EPHB1: variants seen among roughly 807,000 people sequenced by gnomAD.
The protein encoded by EPHB1 is EPH receptor B1.
A neutral mutation model predicts 94.4 loss-of-function variants in EPHB1; 30 were observed. The ratio of observed to expected loss-of-function variants is 0.32; its 90% confidence interval spans 0.24 to 0.43. The LOEUF is 0.43. Ranked by LOEUF, EPHB1 falls within the 20% of genes least tolerant of loss-of-function variation. The pLI is 1.00. For missense variants in EPHB1, 1,055 were observed against 1,308.3 expected (o/e 0.81, Z 2.99); for synonymous variants, 522 against 489.1 (o/e 1.07, Z -0.89).
chr3:135,027,113 G>A (rs1936212014), intron 3 of EPHB1, among the ~76,000 whole-genome samples: 2 of 148,402 alleles, frequency 1.3e-5, no homozygotes, highest in Non-Finnish European at 3.0e-5. Flanking sequence ...GGAGATTTTG[G>A]GCTGAGACAA....
At chr3:135,252,307 T>C (rs923683109) in intron 15 of EPHB1, among the ~76,000 whole-genome samples, 6 of 150,816 alleles carry the variant, frequency 4.0e-5, no homozygotes, top group Admixed American at 1.3e-4. Context: ...GCTGGTGCGC[T>C]GCACCCACTA....
intron 3 of EPHB1, among the ~76,000 whole-genome samples, chr3:134,956,431 T>C (rs540595390): frequency 7.9e-5 from 12 of 152,254 alleles, no homozygotes; most frequent in African/African-American, 2.4e-4. Context: ...CTATGCATAA[T>C]TCTCCCTGCC....
intron 12 of EPHB1, among the ~76,000 whole-genome samples, chr3:135,204,921 A>ACC (rs1314650663): frequency 2.6e-5 from 2 of 76,824 alleles, no homozygotes; most frequent in African/African-American, 1.1e-4. Flanking sequence ...ATTTAACCAT[A>ACC]CCCCCTACCA....
intron 1 of EPHB1, among the ~76,000 whole-genome samples, chr3:134,827,093 A>T (rs924717258): frequency 3.3e-5 from 5 of 152,238 alleles, no homozygotes; most frequent in Admixed American, 2.0e-4. Context: ...AACACCACAG[A>T]TTCCATTACT....
intron 12 of EPHB1, among the ~76,000 whole-genome samples, chr3:135,217,417 A>G (rs1204860956): frequency 7.1e-6 from 1 of 139,938 alleles, no homozygotes; most frequent in Non-Finnish European, 1.5e-5. Context: ...AATAACTCCC[A>G]TCAGTACCAC....
intron 9 of EPHB1, among the ~76,000 whole-genome samples, chr3:135,176,530 A>G (rs1284648151): frequency 2.6e-5 from 4 of 152,052 alleles, no homozygotes; most frequent in Admixed American, 1.3e-4. Context: ...ATATGTGTGC[A>G]CACACACACA....
chr3:135,207,034 A>G (rs1467099587), intron 12 of EPHB1, among the ~76,000 whole-genome samples: 3 of 152,234 alleles, frequency 2.0e-5, no homozygotes, highest in African/African-American at 7.2e-5. Flanking sequence ...TTTGACTGAA[A>G]TTCTACTCTG....
At chr3:134,802,628 C>G (rs1254818570) in intron 1 of EPHB1, among the ~76,000 whole-genome samples, 2 of 152,204 alleles carry the variant, frequency 1.3e-5, no homozygotes, top group African/African-American at 4.8e-5. Context: ...CAGGCCCAGG[C>G]TTGTGCAGGT....
At position 135,248,421 on chromosome 3, in the gene EPHB1, C is replaced by A. The variant is rs56317545; in HGVS notation, c.2602C>A (p.Arg868=). ...LDCWQKDRNS[R]PRFAEIVNTL... ...CTGTTGGCAGAAGGACCGGAACAGC[C>A]GGCCCCGGTTTGCGGAGATTGTCAA... Residue 868 remains arginine (R), a synonymous_variant, in exon 14 of 16, where the codon CGG becomes AGG. Coordinates refer to ENST00000398015, the MANE Select transcript of EPHB1 (RefSeq NM_004441.5). 0.013 allele frequency: 20,980 copies of A among 1,613,898 alleles called. 193 individuals are homozygous for A. The highest frequency in any genetic ancestry group is 0.015 in the Non-Finnish European group (17,532 of 1,179,870).
chr3:134,932,533 A>G (rs1431304849), intron 2 of EPHB1, among the ~76,000 whole-genome samples: 5 of 151,918 alleles, frequency 3.3e-5, no homozygotes, highest in Non-Finnish European at 7.4e-5. Context: ...TAAACTGGCT[A>G]TTTTTCTGGA....
rs73229146 is a variant in EPHB1 at position 134,850,552 on chromosome 3, G to A, written c.58+54863G>A. ...TTGACCTCACTGACTGTTCACCGTC[G>A]GGTGGGGCAGAGGATGGGGAAGTGT... On this transcript the variant is annotated intron_variant, in intron 1 of 15. Coordinates refer to ENST00000398015, the MANE Select transcript of EPHB1 (RefSeq NM_004441.5). Among the ~76,000 whole-genome samples, 831 of 152,324 alleles carry A rather than the reference G, an allele frequency of 5.5e-3. 3 individuals are homozygous for A. The highest frequency in any genetic ancestry group is 0.014 in the Middle Eastern group (4 of 294).
chr3:135,168,464 C>T (rs904905947), intron 9 of EPHB1, among the ~76,000 whole-genome samples: 1 of 152,210 alleles, frequency 6.6e-6, no homozygotes, highest in Non-Finnish European at 1.5e-5. Context: ...CTTTCCTTTC[C>T]TATGGCCGGA....
At chr3:135,173,351 G>GC (rs1941871466) in intron 9 of EPHB1, among the ~76,000 whole-genome samples, 1 of 152,200 alleles carries the variant, frequency 6.6e-6, no homozygotes, top group Admixed American at 6.5e-5. Context: ...GTTTCTTTAA[G>GC]AGGAAGCAGC....
intron 3 of EPHB1, among the ~76,000 whole-genome samples, chr3:134,976,448 T>C (rs1234338974): frequency 6.6e-6 from 1 of 152,240 alleles, no homozygotes; most frequent in Non-Finnish European, 1.5e-5. Flanking sequence ...ACAGGAAACC[T>C]TTGGCCTGCT....
At chr3:135,042,218 AC>A (rs2107766556) in intron 3 of EPHB1, among the ~76,000 whole-genome samples, 1 of 152,320 alleles carries the variant, frequency 6.6e-6, no homozygotes, top group Non-Finnish European at 1.5e-5. Context: ...GGTATGAGCC[AC>A]CATACCCGGC....
chr3:135,058,854 T>G (rs1397395863), intron 3 of EPHB1, among the ~76,000 whole-genome samples: 1 of 152,330 alleles, frequency 6.6e-6, no homozygotes, highest in Admixed American at 6.5e-5. Flanking sequence ...CAACATTTTC[T>G]TATTACGGTG....
At chr3:135,242,268 A>AG (rs537863073) in intron 13 of EPHB1, among the ~76,000 whole-genome samples, 5 of 151,958 alleles carry the variant, frequency 3.3e-5, no homozygotes, top group Non-Finnish European at 7.4e-5. Flanking sequence ...TCACTTTGGG[A>AG]GGGGGCAGTT....
At position 135,230,218 on chromosome 3, in the gene EPHB1, C is replaced by T. The variant is rs147379367; in HGVS notation, c.2347-10930C>T. Reference sequence around the variant, plus strand: ...GAGCCTCCTCCTGAACCCTTCTTGCCCCCTGTTCCATGGTCCTCCATGCCA... The same window carrying T: ...GAGCCTCCTCCTGAACCCTTCTTGCTCCCTGTTCCATGGTCCTCCATGCCA... On this transcript the variant is annotated intron_variant, in intron 12 of 15. Transcript: ENST00000398015. 2.1e-3 allele frequency among the ~76,000 whole-genome samples: 315 copies of T among 152,290 alleles called. 1 individual carries two copies. The highest frequency in any genetic ancestry group is 3.4e-3 in the Admixed American group (52 of 15,302).
intron 15 of EPHB1, among the ~76,000 whole-genome samples, chr3:135,250,762 G>A (rs1312706146): frequency 5.3e-5 from 8 of 152,064 alleles, no homozygotes; most frequent in Non-Finnish European, 8.8e-5. Flanking sequence ...GCTACAACAT[G>A]TACCGATAGC....
Sources: allele counts gnomAD v4.1 joint callset (sites outside exome capture counted in the v4.1 genomes callset), GRCh38; gene constraint gnomAD v4.1.1; transcripts MANE v1.5; gene names NCBI Gene and HGNC (gene_info 2026-07-23, HGNC 2026-07-21).